TMC6: variants seen among roughly 807,000 people sequenced by gnomAD.
The protein encoded by TMC6 is transmembrane channel like 6.
Under a neutral mutation model 95.4 loss-of-function variants are expected in TMC6, and 71 were observed. The ratio of observed to expected loss-of-function variants is 0.74; its 90% confidence interval spans 0.61 to 0.91. TMC6 has a LOEUF of 0.91. Ranked by LOEUF, TMC6 falls within the 40% of genes least tolerant of loss-of-function variation. The probability of loss-of-function intolerance (pLI) is 0.00; values close to 1 mark genes in which losing one functional copy is unlikely to be tolerated. For synonymous variants in TMC6, 514 were observed against 483.1 expected, an observed-to-expected ratio of 1.06 and a Z score of -0.84; for missense variants, 1,074 against 1,079.1, an observed-to-expected ratio of 1.00 and a Z score of 0.07.
intron 1 of TMC6, among the ~76,000 whole-genome samples, chr17:78,127,265 C>T (rs1331508209): frequency 6.6e-6 from 1 of 152,170 alleles, no homozygotes; most frequent in African/African-American, 2.4e-5. Context: ...AGAGACACCT[C>T]CTTTTTGGAG....
chr17:78,131,646 G>T (rs1197114833), upstream of TMC6: 3 of 1,559,934 alleles, frequency 1.9e-6, no homozygotes, highest in Non-Finnish European at 2.6e-6. Flanking sequence ...GGAGCCGGAG[G>T]AGCTGTGGGA....
chr17:78,132,098 G>T, upstream of TMC6: 1 of 1,532,292 alleles, frequency 6.5e-7, no homozygotes, highest in South Asian at 1.2e-5. Context: ...TCGGAAAAAG[G>T]AGAGTGGCAT....
Position 78,125,143 on chromosome 17 carries a change from G to A in TMC6, c.536+15C>T. On this transcript the variant is annotated intron_variant, in intron 6 of 19. Coordinates refer to ENST00000590602, the MANE Select transcript of TMC6 (RefSeq NM_001127198.5). ...GCGCAGCAGCGGCGGCATGGTCAGG[G>A]TCGGGGCTGCTCACCGCAGGCTGCG... 1 of 1,554,854 alleles carries A rather than the reference G, an allele frequency of 6.4e-7. No individual in the cohort carries two copies. Among genetic ancestry groups the A allele is most frequent in the South Asian group, 1.2e-5 (1 of 84,670 alleles).
Position 78,113,289 on chromosome 17 carries a change from C to CG in TMC6, c.2355-79dup, listed in dbSNP as rs890810107. The stretch of plus-strand genomic sequence containing the variant: ...AACCTGGCTGGGCGCAGCCAAGGCC[C>CG]GGCGAGGGACAGGCCAGACGCCCCA... On this transcript the variant is annotated intron_variant, in intron 19 of 19. Transcript: ENST00000590602. The CG allele has an allele frequency of 3.4e-6, 5 of 1,478,966 alleles. No homozygotes were observed. The African/African-American group carries it at 5.6e-5, about 17-fold the overall frequency. The allele number at this position is 1,478,966 out of a possible 1,614,324, so 91.6% of individuals were successfully genotyped here.
upstream of TMC6, chr17:78,132,427 A>G (rs2075035892): frequency 1.2e-6 from 2 of 1,612,864 alleles, no homozygotes; most frequent in Non-Finnish European, 1.7e-6. Context: ...CAACCTGCTG[A>G]GCCTGCTGCT....
chr17:78,123,886 GACAGAAGGAAGAAAGGAA>G (rs2074557825), intron 9 of TMC6, 85 bp downstream of exon 9: 1 of 1,470,000 alleles, frequency 6.8e-7, no homozygotes, highest in African/African-American at 1.4e-5. Context: ...CAGGTAGATG[GACAGAAGGAAGAAAGGAA>G]GAGGGAAGAA....
In TMC6 at chr17:78,121,609, T is replaced by A. The variant is rs921753502; in HGVS notation, c.1330A>T (p.Thr444Ser). 6.2e-7 allele frequency: 1 copy of A among 1,609,268 alleles called. No individual in the cohort carries two copies. The highest frequency in any genetic ancestry group is 8.5e-7 in the Non-Finnish European group (1 of 1,179,096). The change falls in exon 11 of 20, where the codon ACC (threonine) becomes TCC (serine). Residue 444 changes from threonine to serine, a missense_variant. Physicochemically the swap from Thr to Ser is moderately conservative, Grantham distance 58. Coordinates refer to ENST00000590602, the MANE Select transcript of TMC6 (RefSeq NM_001127198.5). The surrounding 1 kb of genome is among the most constrained non-coding windows in gnomAD (Gnocchi z 5.6). ...LGLVWLLCLG[T>S]ALGCAVAVHV... ...ACGGCCACGGCGCAGCCCAGCGCGGTCCCCAGACACAGCAGCCACACAAGC... is the reference window on the plus strand; with the variant it reads ...ACGGCCACGGCGCAGCCCAGCGCGGACCCCAGACACAGCAGCCACACAAGC...
Position 78,125,188 on chromosome 17 carries a change from G to C in TMC6, c.506C>G (p.Pro169Arg), listed in dbSNP as rs1356187626. 1 of 1,583,450 alleles carries C rather than the reference G, an allele frequency of 6.3e-7. No homozygotes were observed. Among genetic ancestry groups the C allele is most frequent in the African/African-American group, 1.3e-5 (1 of 74,486 alleles). Residue 169 changes from proline (P) to arginine (R), a missense_variant, in exon 6 of 20, where the codon CCC (proline) becomes CGC (arginine). Transcript: ENST00000590602. ...GCTGCGTTTCTCAGCCAGGCTTAAG[G>C]GCATCCCGCGAAGCATGTGGTCCCG... ...AQRDHMLRGM[P>R]LSLAEKRSLR...
At chr17:78,130,993 C>A (rs964555572), upstream of TMC6, 1 of 175,944 alleles carries the variant, frequency 5.7e-6, no homozygotes, top group South Asian at 1.1e-4. Context: ...CAGGGGCTCG[C>A]GGGGTACCTG....
At chr17:78,127,649 C>T (rs967506535) in intron 1 of TMC6, among the ~76,000 whole-genome samples, 43 of 152,358 alleles carry the variant, frequency 2.8e-4, no homozygotes, top group Middle Eastern at 3.4e-3. Flanking sequence ...AGCCAGGACT[C>T]AGCTCCCAGC....
chr17:78,116,502 G>T (rs1383995718), intron 18 of TMC6, among the ~76,000 whole-genome samples: 2 of 151,660 alleles, frequency 1.3e-5, no homozygotes, highest in African/African-American at 2.4e-5. Flanking sequence ...CGAACTCCTG[G>T]GCTCCAGCCA....
At position 78,121,089 on chromosome 17, in the gene TMC6, G is replaced by A. The variant is rs200099536; in HGVS notation, c.1459C>T (p.Pro487Ser). 20 of 1,612,874 alleles carry A rather than the reference G, an allele frequency of 1.2e-5. No homozygotes were observed. Among genetic ancestry groups the A allele is most frequent in the Admixed American group, 3.3e-5 (2 of 59,998 alleles). ...GCGGCCAGGACACGGCACAGGTAGG[G>A]GGCCCCCAGGTTGAGGAGGCCAACC... ...LVVGLLNLGA[P>S]YLCRVLAALE... The change falls in exon 12 of 20, where the codon CCC becomes TCC. Residue 487 changes from proline to serine, a missense_variant. Pro to Ser is a moderately conservative substitution (Grantham distance 74). Transcript: ENST00000590602. This position sits in a 1 kb window ranked among gnomAD's most constrained non-coding sequence, Gnocchi z 5.6.
rs752395649 is a variant in TMC6, at chr17:78,121,303, CA to C, written c.1384-140del. ...TCTGGCCCTCCCCAGGCCTCAAGTT[CA>C]AACCACACAGGAAGCAGGGAGGGGT... On this transcript the variant is annotated intron_variant, in intron 11 of 19. Transcript: ENST00000590602. This position sits in a 1 kb window ranked among gnomAD's most constrained non-coding sequence, Gnocchi z 5.6. 328 of 1,422,486 alleles carry C rather than the reference CA, an allele frequency of 2.3e-4. No individual in the cohort carries two copies. Among genetic ancestry groups the C allele is most frequent in the Non-Finnish European group, 3.1e-4 (321 of 1,049,326 alleles). The allele number at this position is 1,422,486 out of a possible 1,614,324, so 88.1% of individuals were successfully genotyped here. A position where few individuals can be genotyped will look rare whatever the true frequency, so the allele number is the denominator to read the frequency against.
rs903005391 is a variant in TMC6 at position 78,112,207 on chromosome 17, G to C, written c.*941C>G. 1.7e-5 allele frequency: 4 copies of C among 237,726 alleles called. No individual in the cohort carries two copies. The highest frequency in any genetic ancestry group is 6.3e-5 in the Admixed American group (1 of 15,946). 14.7% of individuals were successfully genotyped at this position (237,726 alleles called of 1,614,324 possible). A position where few individuals can be genotyped will look rare whatever the true frequency, so the allele number is the denominator to read the frequency against. Reference sequence around the variant, plus strand: ...CTGGGGTCATGACGGGCTGGTCCCCGCAGGCCTGGAGAACTGAGGCTGACG... The same window carrying C: ...CTGGGGTCATGACGGGCTGGTCCCCCCAGGCCTGGAGAACTGAGGCTGACG... On this transcript the variant is annotated 3_prime_UTR_variant, in exon 20 of 20. Coordinates refer to ENST00000590602, the MANE Select transcript of TMC6 (RefSeq NM_001127198.5).
At chr17:78,120,245 C>T (rs868128456) in intron 13 of TMC6, 18 of 362,272 alleles carry the variant, frequency 5.0e-5, no homozygotes, top group African/African-American at 2.4e-4. Flanking sequence ...CTACAACCTC[C>T]GCTTCCCAGG....
chr17:78,131,043 G>T (rs2145549133), upstream of TMC6: 1 of 189,466 alleles, frequency 5.3e-6, no homozygotes. Flanking sequence ...ACAGAAGGGG[G>T]TCCCCCGACA....
In TMC6 at chr17:78,117,915, G is replaced by A. The variant is rs2074214129; in HGVS notation, c.1908C>T (p.Cys636=). Residue 636 remains cysteine (C), a synonymous_variant, in exon 16 of 20, where the codon TGC becomes TGT. Coordinates refer to ENST00000590602, the MANE Select transcript of TMC6 (RefSeq NM_001127198.5). ...CCAGCCAGGGCCGGCGCGGCGCCTG[G>A]CAGTTGGCCAGAAGGCTGGTCTGTG... ...YVKKTSLLAN[C]QAPRRPWLAS... 2 of 1,603,318 alleles carry A rather than the reference G, an allele frequency of 1.2e-6. No homozygotes were observed. Among genetic ancestry groups the A allele is most frequent in the African/African-American group, 1.3e-5 (1 of 75,024 alleles).
upstream of TMC6, chr17:78,131,210 G>C: frequency 2.7e-6 from 1 of 373,210 alleles, no homozygotes; most frequent in South Asian, 2.3e-5. Flanking sequence ...GGGTGCAGCA[G>C]GTCTTGGCTT....
In TMC6 at chr17:78,122,479, G is replaced by A. The variant is rs1355547314; in HGVS notation, c.1227+126C>T. 9.8e-6 allele frequency: 14 copies of A among 1,433,044 alleles called. No homozygotes were observed. Among genetic ancestry groups the A allele is most frequent in the South Asian group, 5.3e-5 (4 of 76,082 alleles). 88.8% of individuals were successfully genotyped at this position (1,433,044 alleles called of 1,614,324 possible). A position where few individuals can be genotyped will look rare whatever the true frequency, so the allele number is the denominator to read the frequency against. Reference sequence around the variant, plus strand: ...GAAGACCACGCCTGCCCAGCGCCCCGAGTTCAGCTCACGGACAGCTGGCCC... The same window carrying A: ...GAAGACCACGCCTGCCCAGCGCCCCAAGTTCAGCTCACGGACAGCTGGCCC... On this transcript the variant is annotated intron_variant, in intron 10 of 19. Transcript: ENST00000590602. This position sits in a 1 kb window ranked among gnomAD's most constrained non-coding sequence, Gnocchi z 4.9.
Sources: gnomAD v4.1 joint callset for allele counts (sites outside exome capture counted in the v4.1 genomes callset) on GRCh38, gnomAD v4.1.1 for gene constraint, Gnocchi (gnomAD v3.1) non-coding constraint, MANE v1.5 for transcripts, NCBI Gene and HGNC (gene_info 2026-07-23, HGNC 2026-07-21) for gene names.